Variants in PCNX2 observed in about 807,000 individuals in gnomAD.
PCNX2 encodes the protein pecanex-like protein 2.
In PCNX2, 168 loss-of-function variants were observed where a neutral mutation model predicts 223.8. That is an observed-to-expected ratio of 0.75 (90% CI 0.66 to 0.85). The LOEUF is 0.85. PCNX2 is among the 40% of genes least tolerant of loss of function. The pLI, the probability that PCNX2 is intolerant of heterozygous loss-of-function variation, is 0.00. For synonymous variants in PCNX2, 1,006 were observed against 1,052.6 expected, an observed-to-expected ratio of 0.96 and a Z score of 0.86; for missense variants, 2,507 against 2,675.5, an observed-to-expected ratio of 0.94 and a Z score of 1.39.
At chr1:233,135,945 C>A (rs1571945229) in intron 20 of PCNX2, among the ~76,000 whole-genome samples, 1 of 152,172 alleles carries the variant, frequency 6.6e-6, no homozygotes, top group Non-Finnish European at 1.5e-5. Context: ...GACTGAAGTC[C>A]TGAGTGCTCT....
intron 25 of PCNX2, among the ~76,000 whole-genome samples, chr1:233,040,874 G>A (rs1485825659): frequency 6.6e-6 from 1 of 152,082 alleles, no homozygotes; most frequent in Non-Finnish European, 1.5e-5. Flanking sequence ...TCAAAAAATT[G>A]CTTTCCCTCT....
At chr1:233,062,028 G>A (rs962147815) in intron 23 of PCNX2, among the ~76,000 whole-genome samples, 1 of 152,140 alleles carries the variant, frequency 6.6e-6, no homozygotes, top group East Asian at 1.9e-4. Context: ...CAAAGTGCTG[G>A]GATTACAGGC....
intron 19 of PCNX2, among the ~76,000 whole-genome samples, chr1:233,157,990 C>T (rs1182498666): frequency 6.6e-6 from 1 of 151,992 alleles, no homozygotes; most frequent in Non-Finnish European, 1.5e-5. Flanking sequence ...CTATGGGATA[C>T]AAAAGGACTC....
At chr1:232,999,640 G>A in intron 30 of PCNX2, 1 of 388,042 alleles carries the variant, frequency 2.6e-6, no homozygotes. Flanking sequence ...TTTTAGTAGA[G>A]ACGGGGTTTC....
rs190735799 is a variant in PCNX2, at chr1:233,117,012, T to C, written c.3837+18001A>G. ...AGGGAATACTATGAACAACAACACA[T>C]AGTACAACAGAACAATAGTAAATTT... On this transcript the variant is annotated intron_variant, in intron 21 of 33. Transcript: ENST00000258229. Among the ~76,000 whole-genome samples the C allele has an allele frequency of 9.9e-5, 15 of 152,230 alleles. No individual in the cohort carries two copies. In the East Asian group the frequency reaches 2.7e-3, roughly 27 times the overall value.
At chr1:233,034,239 T>C (rs1168733726) in intron 25 of PCNX2, among the ~76,000 whole-genome samples, 8 of 151,814 alleles carry the variant, frequency 5.3e-5, no homozygotes, top group Non-Finnish European at 8.8e-5. Flanking sequence ...AAACAAGAAG[T>C]TGGGGCCTTT....
intron 15 of PCNX2, among the ~76,000 whole-genome samples, chr1:233,197,112 T>C (rs1042991853): frequency 5.3e-5 from 8 of 152,138 alleles, no homozygotes; most frequent in South Asian, 2.1e-4. Context: ...AGGCTGGAGA[T>C]AGGGGAAGAG....
intron 1 of PCNX2, among the ~76,000 whole-genome samples, chr1:233,284,280 GA>G (rs1410287224): frequency 6.6e-6 from 1 of 152,162 alleles, no homozygotes; most frequent in Non-Finnish European, 1.5e-5. Flanking sequence ...GACACCTGTT[GA>G]AGTTTTCAGG....
chr1:233,200,382 TC>T, intron 13 of PCNX2, 118 bp from the exon 14 acceptor site: 38 of 366,080 alleles, frequency 1.0e-4, no homozygotes, highest in Non-Finnish European at 1.2e-4. Context: ...CTGGAGGCAA[TC>T]TTTTTTTTTT....
At chr1:233,081,494 C>A (rs1174004759) in intron 23 of PCNX2, among the ~76,000 whole-genome samples, 1 of 152,138 alleles carries the variant, frequency 6.6e-6, no homozygotes, top group Non-Finnish European at 1.5e-5. Flanking sequence ...CTTATGCATC[C>A]CTGCTTAGCG....
chr1:233,154,090 A>G (rs987577745), intron 19 of PCNX2, among the ~76,000 whole-genome samples: 11 of 152,018 alleles, frequency 7.2e-5, no homozygotes, highest in African/African-American at 1.7e-4. Context: ...GTTTTGTTTT[A>G]TTTTTTGAGA....
intron 23 of PCNX2, among the ~76,000 whole-genome samples, chr1:233,089,261 T>C (rs997595497): frequency 1.3e-5 from 2 of 152,002 alleles, no homozygotes; most frequent in African/African-American, 4.8e-5. Context: ...GCAGAGGAGA[T>C]TGAAATGGAA....
intron 17 of PCNX2, among the ~76,000 whole-genome samples, chr1:233,164,402 C>CG (rs1433822300): frequency 1.3e-5 from 2 of 151,944 alleles, no homozygotes; most frequent in Admixed American, 6.6e-5. Context: ...AAATTGAAAA[C>CG]GGAACTACCA....
chr1:233,320,940 C>A, the PCNX2 span, among the ~76,000 whole-genome samples: 1 of 151,302 alleles, frequency 6.6e-6, no homozygotes. Flanking sequence ...AATTTTAACA[C>A]TGGTAACAAA....
chr1:233,095,371 T>C (rs939223272), intron 22 of PCNX2: 1 of 177,166 alleles, frequency 5.6e-6, no homozygotes, highest in South Asian at 1.3e-4. Flanking sequence ...ATACACTTGA[T>C]AAAAATGTAT....
At chr1:233,171,141 T>A (rs1404560454) in intron 17 of PCNX2, among the ~76,000 whole-genome samples, 1 of 152,176 alleles carries the variant, frequency 6.6e-6, no homozygotes, top group East Asian at 1.9e-4. Flanking sequence ...ATTATTATTA[T>A]CATGTATTTT....
intron 26 of PCNX2, among the ~76,000 whole-genome samples, chr1:233,023,658 C>T (rs911306595): frequency 1.3e-5 from 2 of 152,164 alleles, no homozygotes; most frequent in East Asian, 3.8e-4. Flanking sequence ...AGGCATAACT[C>T]CCTGGTATGC....
chr1:233,010,155 G>C (rs2102810594), intron 28 of PCNX2, among the ~76,000 whole-genome samples: 1 of 152,272 alleles, frequency 6.6e-6, no homozygotes, highest in Non-Finnish European at 1.5e-5. Flanking sequence ...ATGACAGCTG[G>C]CCCCCGTGGG....
chr1:233,258,280 C>A lies in PCNX2; in HGVS notation c.1582G>T (p.Ala528Ser). 1 of 1,614,036 alleles carries A rather than the reference C, an allele frequency of 6.2e-7. No homozygotes were observed. Among genetic ancestry groups the A allele is most frequent in the Non-Finnish European group, 8.5e-7 (1 of 1,179,898 alleles). ...SCKSSHEKRH[A>S]RVLSVDSGTD... ...CCACTGTCCACACTGAGCACCCGGG[C>A]ATGCCTCTTTTCATGGCTGGACTTA... The change falls in exon 5 of 34, where the codon GCC becomes TCC. Residue 528 changes from alanine to serine, a missense_variant. Coordinates refer to ENST00000258229, the MANE Select transcript of PCNX2 (RefSeq NM_014801.4).
Sources: gnomAD v4.1 joint callset for allele counts (sites outside exome capture counted in the v4.1 genomes callset) on GRCh38, gnomAD v4.1.1 for gene constraint, MANE v1.5 for transcripts, NCBI Gene and HGNC (gene_info 2026-07-23, HGNC 2026-07-21) for gene names.